The following RABL2B variants were observed in gnomAD, a reference collection of about 807,000 sequenced individuals.
RABL2B encodes the protein RAB, member of RAS oncogene family like 2B.
Under a neutral mutation model 26.7 loss-of-function variants are expected in RABL2B, and 17 were observed. That is an observed-to-expected ratio of 0.64 (90% CI 0.44 to 0.95). The LOEUF is 0.95. Ranked by LOEUF, RABL2B falls within the 40% of genes least tolerant of loss-of-function variation. The pLI is 0.00. For synonymous variants in RABL2B, 70 were observed against 103.9 expected, an observed-to-expected ratio of 0.67 and a Z score of 1.99; for missense variants, 170 against 277.2, an observed-to-expected ratio of 0.61 and a Z score of 2.75.
intron 2 of RABL2B, 67 bp from the exon 3 acceptor site, chr22:50,778,048 C>A: frequency 6.2e-7 from 1 of 1,613,288 alleles, no homozygotes. Context: ...GACTTTTTCA[C>A]CCTAAGGCTG....
Position 50,776,684 on chromosome 22 carries a change from C to G in RABL2B, c.203G>C (p.Arg68Thr). Residue 68 changes from arginine (R) to threonine (T), a missense_variant, in exon 4 of 9, where the codon AGG becomes ACG. By Grantham distance (71) the Arg-to-Thr change is moderately conservative. This residue lies in a region of RABL2B where 165 missense variants were observed against 232.0 expected (regional missense o/e 0.71). Coordinates refer to ENST00000691320, the MANE Select transcript of RABL2B (RefSeq NM_001130919.3). ...LYKHTATVDG[R>T]TILVDFWDTA... Reference sequence around the variant, plus strand: ...GTGCCACTTACCCACAAGGATGGTCCTTCCATCTACCGTGGCTGTGTGCTT... The same window carrying G: ...GTGCCACTTACCCACAAGGATGGTCGTTCCATCTACCGTGGCTGTGTGCTT... 1 of 1,611,368 alleles carries G rather than the reference C, an allele frequency of 6.2e-7. No individual in the cohort carries two copies. Among genetic ancestry groups the G allele is most frequent in the Non-Finnish European group, 8.5e-7 (1 of 1,178,666 alleles).
chr22:50,775,392 C>G (rs1289118383), intron 5 of RABL2B, among the ~76,000 whole-genome samples: 16 of 152,246 alleles, frequency 1.1e-4, no homozygotes. Context: ...TCTACTCAGT[C>G]CCAGCGTGCG....
rs2086035046 is a variant in RABL2B, at chr22:50,782,419, C to T, written c.-53-72G>A. On this transcript the variant is annotated intron_variant, in intron 1 of 8. Transcript: ENST00000691320. ...TCAACCAAATCTCCAGCTGTACCTC[C>T]CTCCAGACTGCTTCCCTCAGTGCCA... 19 of 1,518,292 alleles carry T rather than the reference C, an allele frequency of 1.3e-5. 1 individual carries two copies. The highest frequency in any genetic ancestry group is 3.7e-5 in the South Asian group (3 of 82,120). 94.1% of individuals were successfully genotyped at this position (1,518,292 alleles called of 1,614,324 possible). A position where few individuals can be genotyped will look rare whatever the true frequency, so the allele number is the denominator to read the frequency against.
In RABL2B at chr22:50,767,789, T is replaced by C. The variant is rs2083613218; in HGVS notation, c.*987A>G. 81 of 453,316 alleles carry C rather than the reference T, an allele frequency of 1.8e-4. 1 individual carries two copies. Among genetic ancestry groups the C allele is most frequent in the South Asian group, 1.2e-3 (78 of 64,058 alleles). The allele number at this position is 453,316 out of a possible 1,614,324, so 28.1% of individuals were successfully genotyped here. The stretch of plus-strand genomic sequence containing the variant: ...TCTTGTAGTCCAAATGGACGTACCT[T>C]GTGGTATGGCTGTAAGGACTCGATT... On this transcript the variant is annotated 3_prime_UTR_variant, in exon 9 of 9. Coordinates refer to ENST00000691320, the MANE Select transcript of RABL2B (RefSeq NM_001130919.3).
At position 50,775,248 on chromosome 22, in the gene RABL2B, C is replaced by T. The variant is rs377279053; in HGVS notation, c.297+524G>A. Among the ~76,000 whole-genome samples the T allele has an allele frequency of 1.1e-4, 16 of 152,268 alleles. No homozygotes were observed. In the East Asian group the frequency reaches 2.1e-3, roughly 20 times the overall value. ...GCCCTTTCCTCGGCTGCATTTTTCTCTTGGAGCGACTGCTTCACCACACCC... is the reference window on the plus strand; with the variant it reads ...GCCCTTTCCTCGGCTGCATTTTTCTTTTGGAGCGACTGCTTCACCACACCC... On this transcript the variant is annotated intron_variant, in intron 5 of 8. Transcript: ENST00000691320.
chr22:50,777,815 C>T (rs1313553063), intron 3 of RABL2B, 137 bp downstream of exon 3: 16 of 1,391,610 alleles, frequency 1.1e-5, no homozygotes, highest in Middle Eastern at 1.8e-4. Flanking sequence ...GAAACAAGTG[C>T]GGAACAAAAC....
chr22:50,773,371 A>G (rs1219488678), intron 5 of RABL2B, among the ~76,000 whole-genome samples: 2 of 152,160 alleles, frequency 1.3e-5, no homozygotes, highest in East Asian at 3.9e-4. Context: ...CCATCTGCAA[A>G]GGGTCAGAAG....
intron 3 of RABL2B, chr22:50,777,751 A>G: frequency 1.4e-6 from 1 of 711,338 alleles, no homozygotes; most frequent in Non-Finnish European, 2.5e-6. Flanking sequence ...AAATATGAGT[A>G]AGGTCCAAAA....
chr22:50,779,925 G>A (rs1379982333), intron 2 of RABL2B, among the ~76,000 whole-genome samples: 2 of 152,154 alleles, frequency 1.3e-5, no homozygotes, highest in Admixed American at 1.3e-4. Flanking sequence ...AGGTTGCAGT[G>A]AGCCGAGATT....
intron 4 of RABL2B, 101 bp from the exon 5 acceptor site, chr22:50,775,952 T>C: frequency 8.6e-7 from 1 of 1,166,132 alleles, no homozygotes. Flanking sequence ...CATGTGTGAG[T>C]GTACATGGGG....
chr22:50,777,210 A>T (rs2085126261), intron 3 of RABL2B, among the ~76,000 whole-genome samples: 1 of 152,180 alleles, frequency 6.6e-6, no homozygotes, highest in African/African-American at 2.4e-5. Flanking sequence ...CTATGTGTGA[A>T]ACCCTGAGAA....
chr22:50,779,815 C>T (rs1215171633), intron 2 of RABL2B, among the ~76,000 whole-genome samples: 1 of 151,974 alleles, frequency 6.6e-6, no homozygotes, highest in Non-Finnish European at 1.5e-5. Context: ...AAAACCTCTG[C>T]TAAAAATACA....
Position 50,767,871 on chromosome 22 carries a change from C to G in RABL2B, c.*905G>C, listed in dbSNP as rs1388338851. ...GCCTGTCACCTGCTGTTCCTGTGAT[C>G]TCAGCTTTACCTAGAAGAGCTCCTG... On this transcript the variant is annotated 3_prime_UTR_variant, in exon 9 of 9. Coordinates refer to ENST00000691320, the MANE Select transcript of RABL2B (RefSeq NM_001130919.3). 7.7e-6 allele frequency: 3 copies of G among 390,818 alleles called. No individual in the cohort carries two copies. Among genetic ancestry groups the G allele is most frequent in the African/African-American group, 6.4e-5 (3 of 46,762 alleles). 24.2% of individuals were successfully genotyped at this position (390,818 alleles called of 1,614,324 possible).
chr22:50,774,130 C>T (rs1423989087), intron 5 of RABL2B, among the ~76,000 whole-genome samples: 1 of 152,162 alleles, frequency 6.6e-6, no homozygotes. Flanking sequence ...CTCCTAACCT[C>T]GTGATCCGCC....
chr22:50,773,533 T>G (rs1213567685), intron 5 of RABL2B, among the ~76,000 whole-genome samples: 1 of 151,784 alleles, frequency 6.6e-6, no homozygotes, highest in Non-Finnish European at 1.5e-5. Flanking sequence ...AAGGGATCAG[T>G]GGTGCAGGAG....
At chr22:50,774,361 G>C (rs1434460122) in intron 5 of RABL2B, among the ~76,000 whole-genome samples, 1 of 151,392 alleles carries the variant, frequency 6.6e-6, no homozygotes, top group Non-Finnish European at 1.5e-5. Context: ...GCCATAAAAG[G>C]AAATATAAGT....
At chr22:50,778,102 C>T (rs2085269572) in intron 2 of RABL2B, 121 bp from the exon 3 acceptor site, 6 of 1,287,722 alleles carry the variant, frequency 4.7e-6, no homozygotes, top group Non-Finnish European at 6.7e-6. Flanking sequence ...CCTTTCACTC[C>T]ACAGCCACAC....
intron 5 of RABL2B, among the ~76,000 whole-genome samples, chr22:50,773,455 C>T (rs1436864492): frequency 2.0e-5 from 3 of 152,082 alleles, no homozygotes; most frequent in Non-Finnish European, 2.9e-5. Context: ...GGGGGCAGCA[C>T]GTGTGTCTTT....
chr22:50,777,610 G>A (rs2085188099), intron 3 of RABL2B: 1 of 396,628 alleles, frequency 2.5e-6, no homozygotes, highest in Non-Finnish European at 4.7e-6. Context: ...AAGCTTTGAG[G>A]TTAGAGAGGT....
Sources: allele counts gnomAD v4.1 joint callset (sites outside exome capture counted in the v4.1 genomes callset), GRCh38; gene constraint gnomAD v4.1.1; regional missense constraint gnomAD v4.1.1; transcripts MANE v1.5; gene names NCBI Gene and HGNC (gene_info 2026-07-23, HGNC 2026-07-21).